IMPA2: variants seen among roughly 807,000 people sequenced by gnomAD.
IMPA2 encodes inositol monophosphatase 2, also known as IMP 2.
In IMPA2, 32 loss-of-function variants were observed where a neutral mutation model predicts 35.1. That is an observed-to-expected ratio of 0.91 (90% CI 0.69 to 1.23). IMPA2 has a LOEUF of 1.23. Ranked by LOEUF, IMPA2 falls within the 50% of genes most tolerant of loss-of-function variation. The pLI, the probability that IMPA2 is intolerant of heterozygous loss-of-function variation, is 0.00. For missense variants in IMPA2, 334 were observed against 387.6 expected, an observed-to-expected ratio of 0.86 and a Z score of 1.16; for synonymous variants, 135 against 160.6, an observed-to-expected ratio of 0.84 and a Z score of 1.20.
intron 7 of IMPA2, among the ~76,000 whole-genome samples, 170 bp from the exon 8 acceptor site, chr18:12,030,173 A>G (rs1908006621): frequency 6.6e-6 from 1 of 152,174 alleles, no homozygotes; most frequent in African/African-American, 2.4e-5. Context: ...CCATCCCTCT[A>G]TTCTTTGCCG....
chr18:12,014,085 G>A (rs1907507411), intron 4 of IMPA2, among the ~76,000 whole-genome samples, 180 bp from the exon 5 acceptor site: 2 of 152,176 alleles, frequency 1.3e-5, no homozygotes, highest in South Asian at 4.1e-4. Context: ...TTTATGTCCA[G>A]GTCTCATTTT....
At position 12,028,758 on chromosome 18, in the gene IMPA2, C is replaced by T. The variant is rs369015764; in HGVS notation, c.600-84C>T. On this transcript the variant is annotated intron_variant, in intron 6 of 7. Transcript: ENST00000269159. Reference sequence around the variant, plus strand: ...TTTTTCACTAGGGAAAATGCCCAGCCGGGGTACCTGGCTGAAGTCGGCTTG... The same window carrying T: ...TTTTTCACTAGGGAAAATGCCCAGCTGGGGTACCTGGCTGAAGTCGGCTTG... The T allele has an allele frequency of 3.4e-4, 499 of 1,462,460 alleles. 1 individual carries two copies. The South Asian group carries it at 3.9e-3, about 11-fold the overall frequency. The allele number at this position is 1,462,460 out of a possible 1,614,324, so 90.6% of individuals were successfully genotyped here.
At chr18:12,022,528 A>AAAATAT (rs68185380) in intron 5 of IMPA2, among the ~76,000 whole-genome samples, 2 of 96,822 alleles carry the variant, frequency 2.1e-5, no homozygotes, top group African/African-American at 8.6e-5. Context: ...TCTCAAAAAG[A>AAAATAT]ATATATATAT....
At chr18:11,989,299 G>A (rs773092764) in intron 1 of IMPA2, among the ~76,000 whole-genome samples, 42 of 152,214 alleles carry the variant, frequency 2.8e-4, no homozygotes, top group Non-Finnish European at 4.7e-4. Context: ...CGCACCTGTC[G>A]CTGGAGGAAG....
intron 5 of IMPA2, among the ~76,000 whole-genome samples, chr18:12,025,014 T>C (rs1907840905): frequency 6.6e-6 from 1 of 152,186 alleles, no homozygotes; most frequent in African/African-American, 2.4e-5. Context: ...TTCGCTGCCC[T>C]AAAAACCCCC....
intron 1 of IMPA2, among the ~76,000 whole-genome samples, chr18:11,985,452 T>C (rs191990584): frequency 2.8e-4 from 42 of 152,326 alleles, no homozygotes; most frequent in Admixed American, 1.0e-3. Context: ...TTATTGAAAT[T>C]TATTACTGAT....
In IMPA2 at chr18:11,998,732, G is replaced by A. The variant is rs565442781; in HGVS notation, c.97-322G>A. On this transcript the variant is annotated intron_variant, in intron 1 of 7. Coordinates refer to ENST00000269159, the MANE Select transcript of IMPA2 (RefSeq NM_014214.3). ...CCTGTGTTTTTCTTTTACTCGAAGAGAAGTTGTTTCACAGGTGCAACAAAA... is the reference window on the plus strand; with the variant it reads ...CCTGTGTTTTTCTTTTACTCGAAGAAAAGTTGTTTCACAGGTGCAACAAAA... Among the ~76,000 whole-genome samples the A allele has an allele frequency of 4.6e-5, 7 of 152,260 alleles. No homozygotes were observed. In the East Asian group the frequency reaches 1.4e-3, roughly 29 times the overall value.
At chr18:12,005,963 T>C (rs1250613892) in intron 2 of IMPA2, among the ~76,000 whole-genome samples, 1 of 152,226 alleles carries the variant, frequency 6.6e-6, no homozygotes, top group African/African-American at 2.4e-5. Flanking sequence ...CTGAGTCATA[T>C]CTGTTCGCTG....
At chr18:12,028,246 T>C in intron 6 of IMPA2, 95 bp downstream of exon 6, 1 of 843,406 alleles carries the variant, frequency 1.2e-6, no homozygotes, top group Non-Finnish European at 1.9e-6. Flanking sequence ...GGAGGAAGCC[T>C]GACGTGGAAA....
intron 4 of IMPA2, among the ~76,000 whole-genome samples, chr18:12,012,891 C>CT (rs1315263009): frequency 6.6e-6 from 1 of 152,228 alleles, no homozygotes. Flanking sequence ...CACAGACTCC[C>CT]TGGCAGGGGA....
intron 6 of IMPA2, 64 bp from the exon 7 acceptor site, chr18:12,028,778 G>A (rs1301406566): frequency 1.6e-5 from 25 of 1,551,172 alleles, no homozygotes; most frequent in Middle Eastern, 4.0e-4. Context: ...GGCTGAAGTC[G>A]GCTTGCACAC....
chr18:11,999,165 C>G lies in IMPA2; in HGVS notation c.208C>G (p.Arg70Gly). The G allele has an allele frequency of 6.2e-7, 1 of 1,613,566 alleles. No homozygotes were observed. Among genetic ancestry groups the G allele is most frequent in the Non-Finnish European group, 8.5e-7 (1 of 1,179,742 alleles). The change falls in exon 2 of 8, where the codon CGA (arginine) becomes GGA (glycine). Residue 70 changes from arginine to glycine, a missense_variant. Arg to Gly is a moderately radical substitution (Grantham distance 125). Transcript: ENST00000269159. ...LVEDLIISEL[R>G]ERFPSHRFIA... ...GGAAGATTTAATTATTTCTGAGTTG[C>G]GAGAGAGGTTTCCTTCACACAGGTA...
In IMPA2 at chr18:12,010,652, T is replaced by C. The variant is rs2143805221; in HGVS notation, c.335+665T>C. 6.6e-6 allele frequency among the ~76,000 whole-genome samples: 1 copy of C among 152,164 alleles called. No homozygotes were observed. Among genetic ancestry groups the C allele is most frequent in the African/African-American group, 2.4e-5 (1 of 41,498 alleles). On this transcript the variant is annotated intron_variant, in intron 3 of 7. Coordinates refer to ENST00000269159, the MANE Select transcript of IMPA2 (RefSeq NM_014214.3). The surrounding 1 kb of genome is among the most constrained non-coding windows in gnomAD (Gnocchi z 4.8). ...TGATGTGGCTTAAACGGAGCGTGGT[T>C]CTCCAGCTCTGGAGAACCCTGGAGA...
chr18:12,004,099 C>T (rs1186816784), intron 2 of IMPA2, among the ~76,000 whole-genome samples: 1 of 152,298 alleles, frequency 6.6e-6, no homozygotes, highest in East Asian at 1.9e-4. Flanking sequence ...GAATCCTTGA[C>T]ATGGGAAAAA....
intron 1 of IMPA2, among the ~76,000 whole-genome samples, chr18:11,998,534 A>G (rs1474330006): frequency 6.6e-6 from 1 of 152,244 alleles, no homozygotes; most frequent in Non-Finnish European, 1.5e-5. Context: ...TTACAATCAG[A>G]TTCGAGGGCA....
intron 1 of IMPA2, among the ~76,000 whole-genome samples, chr18:11,988,001 CTTTTT>C (rs71172043): frequency 3.6e-4 from 37 of 101,880 alleles, no homozygotes; most frequent in East Asian, 1.8e-3. Flanking sequence ...TGTTTATTGG[CTTTTT>C]TTTTTTTTTT....
intron 5 of IMPA2, among the ~76,000 whole-genome samples, chr18:12,027,406 T>A (rs1907909895): frequency 6.6e-6 from 1 of 152,138 alleles, no homozygotes; most frequent in Admixed American, 6.5e-5. Flanking sequence ...AGCTTCCCTT[T>A]CCAAAGCAGC....
intron 1 of IMPA2, among the ~76,000 whole-genome samples, chr18:11,990,454 AGG>A (rs1368461447): frequency 6.6e-6 from 1 of 152,138 alleles, no homozygotes; most frequent in African/African-American, 2.4e-5. Context: ...TGAAAGCAGA[AGG>A]GGCAAAAGAG....
intron 1 of IMPA2, among the ~76,000 whole-genome samples, chr18:11,984,549 T>C (rs1285633996): frequency 6.6e-6 from 1 of 152,174 alleles, no homozygotes; most frequent in African/African-American, 2.4e-5. Context: ...TTTAAGAAAA[T>C]ACAAACTTTG....
Sources: gnomAD v4.1 joint callset for allele counts (sites outside exome capture counted in the v4.1 genomes callset) on GRCh38, gnomAD v4.1.1 for gene constraint, Gnocchi (gnomAD v3.1) non-coding constraint, MANE v1.5 for transcripts, NCBI Gene and HGNC (gene_info 2026-07-23, HGNC 2026-07-21) for gene names.